RAB33A: variants seen among roughly 807,000 people sequenced by gnomAD.
RAB33A encodes the protein ras-related protein Rab-33A.
Under a neutral mutation model 12.0 loss-of-function variants are expected in RAB33A, and 6 were observed. The ratio of observed to expected loss-of-function variants is 0.50; its 90% confidence interval spans 0.27 to 0.99. The LOEUF (loss-of-function observed/expected upper bound fraction) is 0.99, where lower values mean the gene tolerates loss of function less well. RAB33A is among the 50% of genes least tolerant of loss of function. The pLI, the probability that RAB33A is intolerant of heterozygous loss-of-function variation, is 0.11. For missense variants in RAB33A, 109 were observed against 192.0 expected, an observed-to-expected ratio of 0.57 and a Z score of 2.55; for synonymous variants, 70 against 82.4, an observed-to-expected ratio of 0.85 and a Z score of 0.81.
At chrX:130,133,471 C>T in the RAB33A span, 1 of 1,199,705 alleles carries the variant, frequency 8.3e-7, no homozygotes, top group South Asian at 1.8e-5. Context: ...GAAACAAATA[C>T]ATAACATGAA....
the RAB33A span, among the ~76,000 whole-genome samples, chrX:130,124,200 C>G: frequency 1.4e-3 from 152 of 112,054 alleles, no homozygotes; most frequent in African/African-American, 4.7e-3. Flanking sequence ...GTTGACTTGT[C>G]TGTGGCCACC....
chrX:130,147,915 G>A, the RAB33A span: 2 of 1,208,577 alleles, frequency 1.7e-6, no homozygotes, highest in Non-Finnish European at 2.2e-6. Flanking sequence ...TCTTCTTGAA[G>A]TCTCAGATGA....
the RAB33A span, among the ~76,000 whole-genome samples, chrX:130,162,603 G>A: frequency 8.9e-6 from 1 of 112,278 alleles, no homozygotes; most frequent in Non-Finnish European, 1.9e-5. Flanking sequence ...CAGAAACAAC[G>A]GGGGAAGACT....
At chrX:130,116,995 C>T in the RAB33A span, among the ~76,000 whole-genome samples, 2 of 112,003 alleles carry the variant, frequency 1.8e-5, no homozygotes, top group Admixed American at 9.4e-5. Context: ...GGGCGGATCA[C>T]GAGGTCAGGA....
chrX:130,175,020 C>T (rs2031649848), intron 1 of RAB33A, among the ~76,000 whole-genome samples: 1 of 111,260 alleles, frequency 9.0e-6, no homozygotes, highest in Non-Finnish European at 1.9e-5. Flanking sequence ...ATAATAACAA[C>T]TATGTATTGA....
chrX:130,120,874 A>G, the RAB33A span, among the ~76,000 whole-genome samples: 1 of 112,997 alleles, frequency 8.8e-6, no homozygotes, highest in Non-Finnish European at 1.9e-5. Context: ...CTGCAGCGCC[A>G]CCTGCACGCG....
the RAB33A span, among the ~76,000 whole-genome samples, chrX:130,132,345 T>C: frequency 8.9e-6 from 1 of 112,414 alleles, no homozygotes; most frequent in Non-Finnish European, 1.9e-5. Flanking sequence ...CATGCGGTGA[T>C]TGAAACGTTC....
At chrX:130,136,308 C>G in the RAB33A span, 11 of 819,207 alleles carry the variant, frequency 1.3e-5, no homozygotes, top group South Asian at 2.5e-4. Flanking sequence ...TAACTTACCT[C>G]TGATAAATGG....
rs1415874829 is a variant in RAB33A, at chrX:130,182,175, T to TACAC, written c.259-2109_259-2108insCACA. 4.4e-3 allele frequency among the ~76,000 whole-genome samples: 178 copies of TACAC among 40,503 alleles called. 2 individuals are homozygous for TACAC. The highest frequency in any genetic ancestry group is 0.026 in the African/African-American group (128 of 4,916). 35.2% of individuals were successfully genotyped at this position (40,503 alleles called of 115,157 possible). On this transcript the variant is annotated intron_variant, in intron 1 of 1. Coordinates refer to ENST00000257017, the MANE Select transcript of RAB33A (RefSeq NM_004794.3). ...AAAAAAAAATATATATATATATATA[T>TACAC]ATATATACACATATATATAACATAT...
At chrX:130,114,340 C>T in the RAB33A span, among the ~76,000 whole-genome samples, 12 of 111,822 alleles carry the variant, frequency 1.1e-4, no homozygotes, top group East Asian at 2.0e-3. Flanking sequence ...GCCCCACCCC[C>T]CTTGATGAAA....
the RAB33A span, chrX:130,136,067 T>C: frequency 2.5e-6 from 3 of 1,211,668 alleles, no homozygotes; most frequent in South Asian, 3.5e-5. Flanking sequence ...AGAGCGTGCT[T>C]GTAGCTCTGC....
the RAB33A span, among the ~76,000 whole-genome samples, chrX:130,122,406 A>T: frequency 8.9e-6 from 1 of 112,425 alleles, no homozygotes; most frequent in East Asian, 2.8e-4. Flanking sequence ...ATGGTACTGG[A>T]TTGGCATTGT....
the RAB33A span, chrX:130,140,561 T>G: frequency 8.3e-7 from 1 of 1,211,479 alleles, no homozygotes; most frequent in South Asian, 1.8e-5. Context: ...TTTCATAGGT[T>G]ATTTGAGAGC....
chrX:130,143,649 G>A, the RAB33A span, among the ~76,000 whole-genome samples: 1 of 108,188 alleles, frequency 9.2e-6, no homozygotes, highest in Admixed American at 1.0e-4. Flanking sequence ...TCAGGAGTTC[G>A]AGACCAACCT....
the RAB33A span, among the ~76,000 whole-genome samples, chrX:130,166,510 T>A: frequency 8.9e-6 from 1 of 112,371 alleles, no homozygotes; most frequent in African/African-American, 3.2e-5. Flanking sequence ...AGCAGAACTT[T>A]CAGTTATGGG....
At chrX:130,144,882 G>A in the RAB33A span, among the ~76,000 whole-genome samples, 1 of 112,190 alleles carries the variant, frequency 8.9e-6, no homozygotes. Flanking sequence ...AAGTGAGTAT[G>A]TTCCTAACGA....
the RAB33A span, among the ~76,000 whole-genome samples, chrX:130,152,135 G>GA: frequency 1.8e-5 from 2 of 110,147 alleles, no homozygotes; most frequent in South Asian, 3.8e-4. Flanking sequence ...AAAAAGAAAA[G>GA]AAAAAAAAGA....
Position 130,184,513 on chromosome X carries a change from T to G in RAB33A, c.487T>G (p.Ser163Ala), listed in dbSNP as rs761850433. 3.3e-6 allele frequency: 4 copies of G among 1,211,944 alleles called. No individual in the cohort carries two copies. Among genetic ancestry groups the G allele is most frequent in the Non-Finnish European group, 4.5e-6 (4 of 895,486 alleles). The change falls in exon 2 of 2, where the codon TCC (serine) becomes GCC (alanine). Residue 163 changes from serine (S) to alanine (A), a missense_variant. Transcript: ENST00000257017. Reference sequence around the variant, plus strand: ...CTTGAGGGAACAGATCCAGGTGCCCTCCAACTTAGCCCTGAAATTTGCTGA... The same window carrying G: ...CTTGAGGGAACAGATCCAGGTGCCCGCCAACTTAGCCCTGAAATTTGCTGA... ...CDLREQIQVP[S>A]NLALKFADAH...
the RAB33A span, among the ~76,000 whole-genome samples, chrX:130,140,191 A>T: frequency 1.8e-5 from 2 of 112,542 alleles, no homozygotes; most frequent in Non-Finnish European, 3.8e-5. Context: ...CATGGGTTTG[A>T]TAAATTGCTT....
Sources: gnomAD v4.1 joint callset for allele counts (sites outside exome capture counted in the v4.1 genomes callset) on GRCh38, gnomAD v4.1.1 for gene constraint, MANE v1.5 for transcripts, NCBI Gene and HGNC (gene_info 2026-07-23, HGNC 2026-07-21) for gene names.